The following MS4A8 variants were observed in gnomAD, a reference collection of about 807,000 sequenced individuals.
MS4A8 encodes the protein membrane-spanning 4-domains subfamily A member 8.
In MS4A8, 27 loss-of-function variants were observed where a neutral mutation model predicts 23.7. The observed-to-expected ratio is 1.14, with a 90% CI of 0.84 to 1.57. The LOEUF (loss-of-function observed/expected upper bound fraction) is 1.57. Among genes scored for constraint, MS4A8 ranks in the 40% most tolerant of loss-of-function variants. MS4A8 has a pLI of 0.00. For missense variants in MS4A8, 301 were observed against 311.4 expected, an observed-to-expected ratio of 0.97 and a Z score of 0.25; for synonymous variants, 138 against 126.3, an observed-to-expected ratio of 1.09 and a Z score of -0.62.
At chr11:60,714,986 C>T (rs368598593) in intron 5 of MS4A8, 35 bp from the exon 6 acceptor site, 54 of 1,487,134 alleles carry the variant, frequency 3.6e-5, no homozygotes, top group South Asian at 1.4e-4. Context: ...CTCCCAGTCC[C>T]GTGCTCCTGT....
chr11:60,703,497 G>C lies in MS4A8; in HGVS notation c.339G>C (p.Leu113Phe). ...FYGGFPFWGG[L>F]WFIISGSLSV... ...GAGGCTTTCCCTTCTGGGGAGGCTTGTGGGTGAGTAACTCAAGTCCTCCTG... is the reference window on the plus strand; with the variant it reads ...GAGGCTTTCCCTTCTGGGGAGGCTTCTGGGTGAGTAACTCAAGTCCTCCTG... The change falls in exon 3 of 7, where the codon TTG becomes TTC. Residue 113 changes from leucine to phenylalanine, a missense_variant. Transcript: ENST00000300226. 3 of 1,607,638 alleles carry C rather than the reference G, an allele frequency of 1.9e-6. No individual in the cohort carries two copies. The highest frequency in any genetic ancestry group is 1.7e-6 in the Non-Finnish European group (2 of 1,177,530).
At chr11:60,704,053 C>G (rs978089744) in intron 3 of MS4A8, among the ~76,000 whole-genome samples, 2 of 151,674 alleles carry the variant, frequency 1.3e-5, no homozygotes, top group African/African-American at 2.4e-5. Flanking sequence ...CAATTCAGCC[C>G]ATAATATCAA....
intron 3 of MS4A8, among the ~76,000 whole-genome samples, chr11:60,704,900 T>C (rs1258171099): frequency 1.3e-5 from 2 of 151,072 alleles, no homozygotes; most frequent in African/African-American, 2.4e-5. Flanking sequence ...ACACACTCTC[T>C]CTCTCTCTCC....
At chr11:60,703,268 T>C in intron 2 of MS4A8, 110 bp from the exon 3 acceptor site, 1 of 1,259,302 alleles carries the variant, frequency 7.9e-7, no homozygotes. Flanking sequence ...TTTCCCATAT[T>C]ACTTTTTAGA....
Position 60,700,995 on chromosome 11 carries a change from A to G in MS4A8, c.135A>G (p.Leu45=). 1 of 1,614,224 alleles carries G rather than the reference A, an allele frequency of 6.2e-7. No individual in the cohort carries two copies. Among genetic ancestry groups the G allele is most frequent in the South Asian group, 1.1e-5 (1 of 91,082 alleles). The change falls in exon 2 of 7, where the codon CTA becomes CTG. Residue 45 remains leucine (L), a synonymous_variant. Transcript: ENST00000300226. ...CAAACAGCCAGCCGCAAGTCCACCT[A>G]GTTCCTGGGAACCCACCTAGTTTGG... ...LYPNSQPQVH[L]VPGNPPSLVS...
At chr11:60,699,995 T>C (rs1267851527) in intron 1 of MS4A8, among the ~76,000 whole-genome samples, 1 of 152,252 alleles carries the variant, frequency 6.6e-6, no homozygotes, top group Non-Finnish European at 1.5e-5. Context: ...TTAGAATGTA[T>C]AAGTAGCCTA....
intron 5 of MS4A8, among the ~76,000 whole-genome samples, chr11:60,711,013 C>A (rs2088296056): frequency 6.6e-6 from 1 of 152,198 alleles, no homozygotes; most frequent in South Asian, 2.1e-4. Flanking sequence ...CCCACACTCT[C>A]CCAGTAACCC....
At chr11:60,711,769 G>A (rs544387833) in intron 5 of MS4A8, 97 of 455,686 alleles carry the variant, frequency 2.1e-4, no homozygotes, top group South Asian at 1.4e-3. Context: ...AGCACAGCCA[G>A]GTGCCCTGGA....
At chr11:60,707,195 C>T in intron 4 of MS4A8, 148 bp downstream of exon 4, 2 of 787,014 alleles carry the variant, frequency 2.5e-6, no homozygotes, top group East Asian at 2.5e-5. Context: ...CCCGCTCATA[C>T]AGACTGGCCA....
chr11:60,711,991 G>A, intron 5 of MS4A8: 1 of 237,716 alleles, frequency 4.2e-6, no homozygotes, highest in South Asian at 4.2e-5. Flanking sequence ...TTCCACATCA[G>A]GAATTATTTT....
chr11:60,700,004 T>C (rs1262545864), intron 1 of MS4A8, among the ~76,000 whole-genome samples: 1 of 152,206 alleles, frequency 6.6e-6, no homozygotes, highest in African/African-American at 2.4e-5. Flanking sequence ...ATAAGTAGCC[T>C]AGAAAATTGA....
intron 5 of MS4A8, among the ~76,000 whole-genome samples, chr11:60,713,994 G>A (rs2088321114): frequency 7.1e-6 from 1 of 140,184 alleles, no homozygotes; most frequent in Non-Finnish European, 1.5e-5. Flanking sequence ...GCGCAATCTC[G>A]GCTCACTGCA....
chr11:60,704,142 A>G (rs1198085876), intron 3 of MS4A8, among the ~76,000 whole-genome samples: 5 of 120,300 alleles, frequency 4.2e-5, no homozygotes, highest in African/African-American at 6.7e-5. Flanking sequence ...TTTTTTTGAG[A>G]TGGAGTCTCA....
intron 3 of MS4A8, among the ~76,000 whole-genome samples, chr11:60,704,373 A>G (rs913842110): frequency 6.6e-6 from 1 of 152,094 alleles, no homozygotes; most frequent in African/African-American, 2.4e-5. Context: ...CACTTGCCTC[A>G]GCCTCCCAAA....
At chr11:60,709,011 G>A in intron 5 of MS4A8, 1 of 470,242 alleles carries the variant, frequency 2.1e-6, no homozygotes, top group East Asian at 4.4e-5. Flanking sequence ...TGGCAATGTT[G>A]AGAGAATTAA....
chr11:60,708,835 G>T, intron 5 of MS4A8, 54 bp downstream of exon 5: 2 of 1,607,706 alleles, frequency 1.2e-6, no homozygotes, highest in Non-Finnish European at 8.5e-7. Context: ...GCTACATTTA[G>T]AAAACTCCCA....
chr11:60,701,138 A>G, intron 2 of MS4A8, 59 bp downstream of exon 2: 1 of 1,506,892 alleles, frequency 6.6e-7, no homozygotes, highest in Non-Finnish European at 9.2e-7. Flanking sequence ...TGGCAGGGGG[A>G]AGGGAAGGCC....
intron 4 of MS4A8, 31 bp downstream of exon 4, chr11:60,707,078 A>G (rs1334725330): frequency 4.4e-6 from 7 of 1,590,016 alleles, no homozygotes; most frequent in Non-Finnish European, 6.0e-6. Flanking sequence ...AGCTCTTCCA[A>G]CTGGAGACCT....
intron 5 of MS4A8, chr11:60,712,429 A>C (rs1234903410): frequency 6.1e-6 from 6 of 985,286 alleles, no homozygotes; most frequent in African/African-American, 1.7e-5. Flanking sequence ...GGGGCTAAGG[A>C]GAGGCCTCTC....
Sources: gnomAD v4.1 joint callset for allele counts (sites outside exome capture counted in the v4.1 genomes callset) on GRCh38, gnomAD v4.1.1 for gene constraint, MANE v1.5 for transcripts, NCBI Gene and HGNC (gene_info 2026-07-23, HGNC 2026-07-21) for gene names.